CNTLN: variants seen among roughly 807,000 people sequenced by gnomAD.
CNTLN encodes the protein centlein, also known as centlein, centrosomal protein.
CNTLN carries 212 observed loss-of-function variants against 180.0 expected under a neutral mutation model. The observed-to-expected ratio is 1.18, with a 90% CI of 1.05 to 1.32. The LOEUF (loss-of-function observed/expected upper bound fraction) is 1.32, where lower values mean the gene tolerates loss of function less well. Ranked by LOEUF, CNTLN falls within the 40% of genes most tolerant of loss-of-function variation. The pLI is 0.00. For synonymous variants in CNTLN, 722 were observed against 563.1 expected, an observed-to-expected ratio of 1.28 and a Z score of -3.99; for missense variants, 2,095 against 1,610.9, an observed-to-expected ratio of 1.30 and a Z score of -5.14.
intron 12 of CNTLN, among the ~76,000 whole-genome samples, chr9:17,355,781 C>G (rs760635990): frequency 1.4e-4 from 22 of 152,038 alleles, no homozygotes; most frequent in Admixed American, 1.3e-3. Context: ...GAAATCAGTC[C>G]AGGCTGGGCG....
intron 13 of CNTLN, among the ~76,000 whole-genome samples, chr9:17,379,489 C>T (rs1476973635): frequency 6.6e-6 from 1 of 152,092 alleles, no homozygotes; most frequent in Non-Finnish European, 1.5e-5. Flanking sequence ...TTTAGGTTTT[C>T]TGTTTCTGTG....
intron 25 of CNTLN, among the ~76,000 whole-genome samples, chr9:17,498,739 G>A (rs989085514): frequency 2.2e-4 from 33 of 152,208 alleles, no homozygotes; most frequent in Admixed American, 5.2e-4. Context: ...AATCATGCAG[G>A]CTCTCTGGAC....
chr9:17,417,786 CT>C (rs1001153696), intron 18 of CNTLN, among the ~76,000 whole-genome samples: 1 of 151,440 alleles, frequency 6.6e-6, no homozygotes, highest in Non-Finnish European at 1.5e-5. Context: ...CTTTTTTTTC[CT>C]TTTTTGCAAT....
At chr9:17,381,405 G>A (rs1238328908) in intron 13 of CNTLN, among the ~76,000 whole-genome samples, 3 of 152,142 alleles carry the variant, frequency 2.0e-5, no homozygotes, top group African/African-American at 7.2e-5. Context: ...TCAGCATTCT[G>A]CACTGACACC....
chr9:17,205,544 C>A (rs1822855544), intron 2 of CNTLN, among the ~76,000 whole-genome samples: 1 of 152,098 alleles, frequency 6.6e-6, no homozygotes, highest in Non-Finnish European at 1.5e-5. Context: ...GTCATGAGTT[C>A]CCCTAAAACA....
chr9:17,365,316 G>A (rs910802207), intron 12 of CNTLN, among the ~76,000 whole-genome samples: 4 of 152,086 alleles, frequency 2.6e-5, no homozygotes, highest in African/African-American at 9.7e-5. Flanking sequence ...TTCCCCTTCT[G>A]CCATGAATGT....
intron 23 of CNTLN, among the ~76,000 whole-genome samples, 191 bp from the exon 24 acceptor site, chr9:17,484,104 A>G (rs1372962538): frequency 6.6e-6 from 1 of 152,182 alleles, no homozygotes; most frequent in Non-Finnish European, 1.5e-5. Context: ...TTGGTTAAGT[A>G]TTCATTGAAG....
intron 8 of CNTLN, among the ~76,000 whole-genome samples, chr9:17,323,950 T>G (rs1820095446): frequency 6.6e-6 from 1 of 152,204 alleles, no homozygotes. Flanking sequence ...ATTACCTGGC[T>G]TCACATAAAC....
chr9:17,165,704 T>G (rs1327182073), intron 2 of CNTLN, among the ~76,000 whole-genome samples: 2 of 152,160 alleles, frequency 1.3e-5, no homozygotes, highest in Non-Finnish European at 2.9e-5. Context: ...AGGTACAGGA[T>G]TAGCTATTAT....
At chr9:17,346,920 C>T (rs555525434) in intron 12 of CNTLN, among the ~76,000 whole-genome samples, 1 of 152,242 alleles carries the variant, frequency 6.6e-6, no homozygotes, top group South Asian at 2.1e-4. Flanking sequence ...GCCTTTCAAC[C>T]TAATTTTGTC....
At chr9:17,254,016 G>A (rs751473670) in intron 5 of CNTLN, among the ~76,000 whole-genome samples, 1 of 151,436 alleles carries the variant, frequency 6.6e-6, no homozygotes, top group Non-Finnish European at 1.5e-5. Context: ...TGATTTTTCT[G>A]TATTAATTGA....
At chr9:17,414,485 C>T (rs1033818348) in intron 16 of CNTLN, among the ~76,000 whole-genome samples, 1 of 151,834 alleles carries the variant, frequency 6.6e-6, no homozygotes, top group African/African-American at 2.4e-5. Flanking sequence ...GTGCTCAGTG[C>T]GTGGCTGATA....
intron 7 of CNTLN, among the ~76,000 whole-genome samples, chr9:17,306,300 C>T (rs1818709091): frequency 6.6e-6 from 1 of 152,008 alleles, no homozygotes; most frequent in Non-Finnish European, 1.5e-5. Flanking sequence ...CAGGCGTGTG[C>T]CACCATGCCC....
At chr9:17,167,895 G>A (rs1006040955) in intron 2 of CNTLN, 4 of 152,078 alleles carry the variant, frequency 2.6e-5, no homozygotes, top group African/African-American at 9.7e-5. Context: ...CAGAAGTGCT[G>A]GGGTAGTGTA....
chr9:17,497,441 C>T (rs1833519872), intron 25 of CNTLN, among the ~76,000 whole-genome samples: 1 of 152,148 alleles, frequency 6.6e-6, no homozygotes, highest in South Asian at 2.1e-4. Flanking sequence ...AACTTGCTGG[C>T]AGTTCATTTT....
chr9:17,330,553 G>A (rs1456086828), intron 8 of CNTLN, 79 bp from the exon 9 acceptor site: 2 of 789,252 alleles, frequency 2.5e-6, no homozygotes, highest in South Asian at 2.9e-5. Context: ...ATAATATAGT[G>A]TTACATTTAA....
chr9:17,496,194 G>T (rs571064190), intron 25 of CNTLN, among the ~76,000 whole-genome samples: 7 of 152,268 alleles, frequency 4.6e-5, no homozygotes, highest in Middle Eastern at 3.4e-3. Flanking sequence ...GAATAATTCA[G>T]TTCTCTTTTG....
At chr9:17,184,796 T>C (rs1269653868) in intron 2 of CNTLN, among the ~76,000 whole-genome samples, 1 of 152,212 alleles carries the variant, frequency 6.6e-6, no homozygotes, top group Non-Finnish European at 1.5e-5. Flanking sequence ...AACACGTCTT[T>C]ATTCAAAACC....
At position 17,360,081 on chromosome 9, in the gene CNTLN, A is replaced by G. The variant is rs779528407; in HGVS notation, c.1887-6536A>G. On this transcript the variant is annotated intron_variant, in intron 12 of 25. Transcript: ENST00000380647. ...TTAAGTATTGTATGTTGCAATATAG[A>G]TATCCATCTAAGGATTGCTTTTGCT... Among the ~76,000 whole-genome samples, 19 of 152,136 alleles carry G rather than the reference A, an allele frequency of 1.2e-4. 1 individual carries two copies. The highest frequency in any genetic ancestry group is 8.8e-5 in the Non-Finnish European group (6 of 68,028).
Sources: gnomAD v4.1 joint callset for allele counts (sites outside exome capture counted in the v4.1 genomes callset) on GRCh38, gnomAD v4.1.1 for gene constraint, MANE v1.5 for transcripts, NCBI Gene and HGNC (gene_info 2026-07-23, HGNC 2026-07-21) for gene names.